Variants in F13A1 observed in about 807,000 individuals in gnomAD.
F13A1 encodes coagulation factor XIII A chain, also known as FSF, A subunit.
A neutral mutation model predicts 80.1 loss-of-function variants in F13A1; 47 were observed. That is an observed-to-expected ratio of 0.59 (90% CI 0.46 to 0.75). The LOEUF is 0.75. Ranked by LOEUF, F13A1 falls within the 30% of genes least tolerant of loss-of-function variation. The pLI is 0.00. For missense variants in F13A1, 817 were observed against 930.4 expected, an observed-to-expected ratio of 0.88 and a Z score of 1.59; for synonymous variants, 349 against 344.9, an observed-to-expected ratio of 1.01 and a Z score of -0.13.
At chr6:6,299,354 G>A (rs1758384223) in intron 3 of F13A1, among the ~76,000 whole-genome samples, 1 of 127,178 alleles carries the variant, frequency 7.9e-6, no homozygotes. Context: ...TTTCCAACTT[G>A]GTTCCATTCT....
chr6:6,245,209 C>T (rs1757538714), intron 6 of F13A1, among the ~76,000 whole-genome samples: 1 of 152,112 alleles, frequency 6.6e-6, no homozygotes, highest in African/African-American at 2.4e-5. Flanking sequence ...ATATACTGAA[C>T]AATAAATATT....
chr6:6,257,550 G>A (rs1757719354), intron 4 of F13A1, among the ~76,000 whole-genome samples: 1 of 152,138 alleles, frequency 6.6e-6, no homozygotes, highest in South Asian at 2.1e-4. Context: ...TAGTTCGCCA[G>A]GACTGGTATC....
intron 12 of F13A1, among the ~76,000 whole-genome samples, chr6:6,168,628 C>T (rs994248485): frequency 1.3e-5 from 2 of 152,364 alleles, no homozygotes; most frequent in South Asian, 4.1e-4. Flanking sequence ...GTCTTTACTG[C>T]TTTCCTTCTC....
At chr6:6,262,357 G>T (rs568691096) in intron 4 of F13A1, among the ~76,000 whole-genome samples, 2 of 152,250 alleles carry the variant, frequency 1.3e-5, no homozygotes, top group African/African-American at 4.8e-5. Context: ...CACAGATGTT[G>T]TGTGTGGCTG....
chr6:6,282,667 T>C (rs1434899078), intron 3 of F13A1, among the ~76,000 whole-genome samples: 1 of 152,056 alleles, frequency 6.6e-6, no homozygotes, highest in Non-Finnish European at 1.5e-5. Context: ...TGACAGAAAA[T>C]AGTCCTTGGT....
chr6:6,295,210 T>A (rs1451458297), intron 3 of F13A1, among the ~76,000 whole-genome samples: 1 of 146,550 alleles, frequency 6.8e-6, no homozygotes, highest in Non-Finnish European at 1.5e-5. Context: ...AACATACGTG[T>A]GCATGTGTCT....
intron 4 of F13A1, among the ~76,000 whole-genome samples, chr6:6,257,160 T>C (rs1421315494): frequency 2.0e-5 from 3 of 152,140 alleles, no homozygotes; most frequent in Admixed American, 6.5e-5. Context: ...TAATCACTCT[T>C]AGAGGGAGTG....
At chr6:6,183,786 T>C (rs938410442) in intron 10 of F13A1, among the ~76,000 whole-genome samples, 2 of 152,134 alleles carry the variant, frequency 1.3e-5, no homozygotes, top group South Asian at 4.1e-4. Context: ...GTTCCGATAG[T>C]GGGTGTGTCC....
chr6:6,268,305 A>G (rs1399799425), intron 3 of F13A1, among the ~76,000 whole-genome samples: 1 of 152,228 alleles, frequency 6.6e-6, no homozygotes, highest in Admixed American at 6.5e-5. Context: ...CTATAACAAA[A>G]GATGAGAAGG....
At chr6:6,157,777 G>A (rs953077781) in intron 13 of F13A1, among the ~76,000 whole-genome samples, 1 of 152,106 alleles carries the variant, frequency 6.6e-6, no homozygotes, top group African/African-American at 2.4e-5. Flanking sequence ...GGGATTACAG[G>A]ACTGGAATGT....
At chr6:6,202,256 C>T (rs1291869869) in intron 8 of F13A1, among the ~76,000 whole-genome samples, 1 of 152,242 alleles carries the variant, frequency 6.6e-6, no homozygotes, top group East Asian at 1.9e-4. Flanking sequence ...AAAATACCAA[C>T]TGATTCCTGA....
chr6:6,186,347 T>C (rs1209250544), intron 10 of F13A1, among the ~76,000 whole-genome samples: 2 of 152,218 alleles, frequency 1.3e-5, no homozygotes, highest in Non-Finnish European at 2.9e-5. Context: ...AGGGTTTTTA[T>C]GGTATAAGGT....
chr6:6,287,783 G>C (rs1166988599), intron 3 of F13A1, among the ~76,000 whole-genome samples: 1 of 152,194 alleles, frequency 6.6e-6, no homozygotes, highest in African/African-American at 2.4e-5. Flanking sequence ...TGTCACTTCA[G>C]CTAGAACTAT....
intron 11 of F13A1, among the ~76,000 whole-genome samples, chr6:6,176,003 T>C (rs4960176): frequency 0.8 from 121,226 of 151,808 alleles, 48,669 homozygotes; most frequent in Non-Finnish European, 0.85. Flanking sequence ...CAAAAGGCTT[T>C]GGCTTGGAAA....
Position 6,173,928 on chromosome 6 carries a change from G to T in F13A1, c.1747+652C>A, listed in dbSNP as rs182490260. Among the ~76,000 whole-genome samples, 148 of 152,176 alleles carry T rather than the reference G, an allele frequency of 9.7e-4. 1 individual carries two copies. The highest frequency in any genetic ancestry group is 1.8e-3 in the Admixed American group (27 of 15,282). Reference sequence around the variant, plus strand: ...TTTTGATTCAGAGGGTGTGGGGTGGGACATGAGATTCTACATTTTTTTCAA... The same window carrying T: ...TTTTGATTCAGAGGGTGTGGGGTGGTACATGAGATTCTACATTTTTTTCAA... On this transcript the variant is annotated intron_variant, in intron 12 of 14. Transcript: ENST00000264870.
chr6:6,307,663 C>G (rs763617288), intron 2 of F13A1, among the ~76,000 whole-genome samples: 7 of 152,194 alleles, frequency 4.6e-5, no homozygotes, highest in Non-Finnish European at 1.0e-4. Flanking sequence ...CTTACAGAAT[C>G]TCACAGAACA....
intron 6 of F13A1, among the ~76,000 whole-genome samples, chr6:6,232,007 C>T (rs1018544543): frequency 1.3e-5 from 2 of 151,940 alleles, no homozygotes; most frequent in Non-Finnish European, 2.9e-5. Context: ...ACCTATGAAA[C>T]AAAAATACAA....
chr6:6,188,148 G>A (rs1208651423), intron 10 of F13A1, among the ~76,000 whole-genome samples: 2 of 152,098 alleles, frequency 1.3e-5, no homozygotes, highest in South Asian at 2.1e-4. Flanking sequence ...CGGTCTATCA[G>A]TTTTGTTGAT....
At chr6:6,181,169 C>G (rs1243195586) in intron 11 of F13A1, among the ~76,000 whole-genome samples, 2 of 152,176 alleles carry the variant, frequency 1.3e-5, no homozygotes, top group East Asian at 3.8e-4. Flanking sequence ...TGTCTGGAAA[C>G]CCCTGTCCAG....
Sources: gnomAD v4.1 joint callset for allele counts (sites outside exome capture counted in the v4.1 genomes callset) on GRCh38, gnomAD v4.1.1 for gene constraint, MANE v1.5 for transcripts, NCBI Gene and HGNC (gene_info 2026-07-23, HGNC 2026-07-21) for gene names.